The following CNTNAP5 variants were observed in gnomAD, a reference collection of about 807,000 sequenced individuals.
The protein encoded by CNTNAP5 is contactin associated protein family member 5.
A neutral mutation model predicts 150.2 loss-of-function variants in CNTNAP5; 72 were observed. That is an observed-to-expected ratio of 0.48 (90% CI 0.40 to 0.58). CNTNAP5 has a LOEUF of 0.58. Among genes scored for constraint, CNTNAP5 ranks in the 20% least tolerant of loss-of-function variants. CNTNAP5 has a pLI of 0.00. For missense variants in CNTNAP5, 1,636 were observed against 1,626.2 expected (o/e 1.01, Z -0.10); for synonymous variants, 672 against 619.8 (o/e 1.08, Z -1.25).
chr2:124,715,383 T>G (rs1679924050), intron 13 of CNTNAP5, among the ~76,000 whole-genome samples: 1 of 152,170 alleles, frequency 6.6e-6, no homozygotes, highest in South Asian at 2.1e-4. Flanking sequence ...GTTTTTGGGT[T>G]ATTTTGGTTC....
intron 13 of CNTNAP5, among the ~76,000 whole-genome samples, chr2:124,669,855 C>T (rs989184343): frequency 6.6e-6 from 1 of 152,190 alleles, no homozygotes; most frequent in Non-Finnish European, 1.5e-5. Context: ...ACTGTGTTCG[C>T]TACCTTGGCC....
intron 1 of CNTNAP5, among the ~76,000 whole-genome samples, chr2:124,122,301 G>A (rs1000584908): frequency 6.6e-6 from 1 of 152,146 alleles, no homozygotes; most frequent in Admixed American, 6.5e-5. Flanking sequence ...TGAAACATTA[G>A]GCAGGCTGTC....
At chr2:124,093,624 A>C (rs1302989030) in intron 1 of CNTNAP5, among the ~76,000 whole-genome samples, 1 of 150,500 alleles carries the variant, frequency 6.6e-6, no homozygotes, top group African/African-American at 2.4e-5. Flanking sequence ...AGCACATTTG[A>C]TGTTGTTAAG....
chr2:124,785,162 C>T (rs1681539035), intron 17 of CNTNAP5, among the ~76,000 whole-genome samples: 1 of 150,476 alleles, frequency 6.6e-6, no homozygotes, highest in Non-Finnish European at 1.5e-5. Context: ...AAGAAACAAA[C>T]AAGTAAAAAT....
intron 3 of CNTNAP5, among the ~76,000 whole-genome samples, chr2:124,361,894 G>C (rs1024258216): frequency 7.0e-6 from 1 of 142,356 alleles, no homozygotes; most frequent in African/African-American, 2.5e-5. Context: ...AATGGCGGGC[G>C]CCCCTCCCCC....
At chr2:124,413,171 C>G (rs1010782808) in intron 3 of CNTNAP5, among the ~76,000 whole-genome samples, 9 of 137,984 alleles carry the variant, frequency 6.5e-5, no homozygotes, top group Non-Finnish European at 1.4e-4. Context: ...CAAATCAAAA[C>G]CACAATGAGA....
At chr2:124,777,125 C>G (rs1163383344) in intron 17 of CNTNAP5, among the ~76,000 whole-genome samples, 2 of 148,516 alleles carry the variant, frequency 1.3e-5, no homozygotes, top group African/African-American at 5.0e-5. Flanking sequence ...AGTGGCCACT[C>G]AAAAATGCTT....
intron 7 of CNTNAP5, among the ~76,000 whole-genome samples, chr2:124,503,593 G>A (rs777492967): frequency 2.0e-5 from 3 of 152,042 alleles, no homozygotes; most frequent in African/African-American, 7.2e-5. Flanking sequence ...TAAATATATG[G>A]CCCATGTCAC....
At position 124,799,837 on chromosome 2, in the gene CNTNAP5, T is replaced by C. The variant is rs776630412; in HGVS notation, c.3217+1517T>C. ...GGTGTCCTTCTTTCTAAGATAAAAATAGAAGGGAAGGAAAATAGACAGAAA... is the reference window on the plus strand; with the variant it reads ...GGTGTCCTTCTTTCTAAGATAAAAACAGAAGGGAAGGAAAATAGACAGAAA... On this transcript the variant is annotated intron_variant, in intron 19 of 23. Coordinates refer to ENST00000682447, the MANE Select transcript of CNTNAP5 (RefSeq NM_001367498.1). Among the ~76,000 whole-genome samples the C allele has an allele frequency of 3.3e-5, 5 of 151,960 alleles. 1 individual carries two copies. Among genetic ancestry groups the C allele is most frequent in the Admixed American group, 1.3e-4 (2 of 15,264 alleles).
At chr2:124,638,570 T>A (rs1300009627) in intron 12 of CNTNAP5, among the ~76,000 whole-genome samples, 3 of 152,186 alleles carry the variant, frequency 2.0e-5, no homozygotes, top group Admixed American at 1.3e-4. Flanking sequence ...TCCTTTTGAT[T>A]TTAACAGTGT....
chr2:124,536,912 G>C lies in CNTNAP5; in HGVS notation c.1649+9456G>C, dbSNP rs543585733. ...TGCAAGAGAACTGAAATCAGAACCG[G>C]AGTAAACTTGCCAGTGCACAAAACA... On this transcript the variant is annotated intron_variant, in intron 10 of 23. Transcript: ENST00000682447. 7.9e-5 allele frequency among the ~76,000 whole-genome samples: 12 copies of C among 152,206 alleles called. No individual in the cohort carries two copies. The East Asian group carries it at 2.1e-3, about 27-fold the overall frequency.
chr2:124,262,714 T>C (rs113685395), intron 3 of CNTNAP5, among the ~76,000 whole-genome samples: 1,643 of 151,978 alleles, frequency 0.011, 28 homozygotes, highest in African/African-American at 0.035. Context: ...GTTTGTTACA[T>C]ATGTATATAT....
chr2:124,195,340 T>C (rs1685557609), intron 1 of CNTNAP5, among the ~76,000 whole-genome samples: 1 of 152,154 alleles, frequency 6.6e-6, no homozygotes. Flanking sequence ...TTTGTGCTTT[T>C]AGAGGTGTTG....
chr2:124,504,532 G>A lies in CNTNAP5; in HGVS notation c.1303G>A (p.Glu435Lys). 6.2e-7 allele frequency: 1 copy of A among 1,613,758 alleles called. No homozygotes were observed. Among genetic ancestry groups the A allele is most frequent in the South Asian group, 1.1e-5 (1 of 91,060 alleles). Residue 435 changes from glutamate (E) to lysine (K), a missense_variant, in exon 8 of 24, where the codon GAA (glutamate) becomes AAA (lysine). Glu to Lys is a moderately conservative substitution (Grantham distance 56, BLOSUM62 1). Coordinates refer to ENST00000682447, the MANE Select transcript of CNTNAP5 (RefSeq NM_001367498.1). Reference sequence around the variant, plus strand: ...GAGACTCGTGATTCAGAAAATGACAGAACGCGTAGCTGAAATCCTCACAGG... The same window carrying A: ...GAGACTCGTGATTCAGAAAATGACAAAACGCGTAGCTGAAATCCTCACAGG... ...ILRLVIQKMTERVAEILTGSN... is the reference protein window; with the variant it reads ...ILRLVIQKMTKRVAEILTGSN...
intron 13 of CNTNAP5, among the ~76,000 whole-genome samples, chr2:124,713,314 CTTTCCTTTCTTTCTTTCTTTCTTTCTT>C (rs1679867194): frequency 3.8e-5 from 3 of 79,874 alleles, no homozygotes; most frequent in African/African-American, 1.2e-4. Context: ...CTTTCTCTTT[CTTTCCTTTCTTTCTTTCTTTCTTTCTT>C]TCTTTCTTTC....
At chr2:124,095,382 A>G (rs1462909167) in intron 1 of CNTNAP5, among the ~76,000 whole-genome samples, 1 of 152,154 alleles carries the variant, frequency 6.6e-6, no homozygotes, top group Non-Finnish European at 1.5e-5. Context: ...ATTAGGACAA[A>G]TATCTAATGC....
chr2:124,206,926 C>G (rs1300295762), intron 1 of CNTNAP5, among the ~76,000 whole-genome samples: 1 of 152,058 alleles, frequency 6.6e-6, no homozygotes. Flanking sequence ...CACTATACAG[C>G]CCAAATATTA....
intron 6 of CNTNAP5, among the ~76,000 whole-genome samples, chr2:124,447,147 A>G (rs1225403337): frequency 1.3e-5 from 2 of 151,996 alleles, no homozygotes; most frequent in Non-Finnish European, 2.9e-5. Context: ...CTAAACCACA[A>G]GATAGCAGCT....
intron 13 of CNTNAP5, among the ~76,000 whole-genome samples, chr2:124,699,875 T>C (rs1679484206): frequency 6.6e-6 from 1 of 152,100 alleles, no homozygotes; most frequent in African/African-American, 2.4e-5. Flanking sequence ...TATCATAAAA[T>C]TCATCGTTTT....
Sources: allele counts gnomAD v4.1 joint callset (sites outside exome capture counted in the v4.1 genomes callset), GRCh38; gene constraint gnomAD v4.1.1; transcripts MANE v1.5; gene names NCBI Gene and HGNC (gene_info 2026-07-23, HGNC 2026-07-21).